The following SBF2 variants were observed in gnomAD, a reference collection of about 807,000 sequenced individuals.
SBF2 encodes SET binding factor 2, also known as myotubularin-related protein 13.
SBF2 carries 112 observed loss-of-function variants against 225.2 expected under a neutral mutation model. The observed-to-expected ratio is 0.50, with a 90% confidence interval of 0.43 to 0.58. SBF2 has a LOEUF of 0.58. SBF2 is among the 20% of genes least tolerant of loss of function. The probability of loss-of-function intolerance (pLI) is 0.00; values close to 1 mark genes in which losing one functional copy is unlikely to be tolerated. For missense variants in SBF2, 1,996 were observed against 2,206.2 expected, an observed-to-expected ratio of 0.90 and a Z score of 1.91; for synonymous variants, 763 against 773.3, an observed-to-expected ratio of 0.99 and a Z score of 0.22.
chr11:9,952,930 G>C (rs1865943104), intron 16 of SBF2, among the ~76,000 whole-genome samples: 1 of 152,188 alleles, frequency 6.6e-6, no homozygotes, highest in Admixed American at 6.5e-5. Context: ...TACACTGCTG[G>C]TGGGAATGTA....
At chr11:10,220,595 C>T (rs532195043) in intron 1 of SBF2, among the ~76,000 whole-genome samples, 19 of 152,122 alleles carry the variant, frequency 1.2e-4, no homozygotes, top group Non-Finnish European at 2.8e-4. Flanking sequence ...CTATACATTG[C>T]TACCAAAATA....
intron 17 of SBF2, among the ~76,000 whole-genome samples, chr11:9,892,641 C>T (rs1486214300): frequency 6.6e-6 from 1 of 151,566 alleles, no homozygotes; most frequent in Non-Finnish European, 1.5e-5. Context: ...TTCATGGCAA[C>T]CTCCGCCTCC....
chr11:10,222,595 A>C (rs911619995), intron 1 of SBF2, among the ~76,000 whole-genome samples: 5 of 152,166 alleles, frequency 3.3e-5, no homozygotes, highest in Non-Finnish European at 7.3e-5. Context: ...AGAAAAAGCA[A>C]ATTGGGGGGA....
intron 2 of SBF2, among the ~76,000 whole-genome samples, chr11:10,092,796 A>G (rs907147372): frequency 6.6e-6 from 1 of 152,200 alleles, no homozygotes; most frequent in Non-Finnish European, 1.5e-5. Context: ...CCAACACCAA[A>G]GTGAGAGAGA....
chr11:10,063,860 G>C (rs143003057), intron 2 of SBF2, among the ~76,000 whole-genome samples: 1,747 of 107,462 alleles, frequency 0.016, 15 homozygotes, highest in Non-Finnish European at 0.019. Context: ...CACACACACA[G>C]AGAGAGAGAG....
At chr11:10,070,215 C>A (rs566004438) in intron 2 of SBF2, among the ~76,000 whole-genome samples, 5 of 152,096 alleles carry the variant, frequency 3.3e-5, no homozygotes, top group Non-Finnish European at 5.9e-5. Flanking sequence ...GGTGTTTTAG[C>A]CATGAAGTCC....
intron 33 of SBF2, among the ~76,000 whole-genome samples, chr11:9,791,974 CA>C (rs1399394911): frequency 3.3e-5 from 5 of 152,320 alleles, no homozygotes; most frequent in South Asian, 4.1e-4. Flanking sequence ...CTTAGGGCAA[CA>C]TGTACACATA....
chr11:9,904,869 A>C (rs1333211281), intron 16 of SBF2, among the ~76,000 whole-genome samples: 1 of 152,166 alleles, frequency 6.6e-6, no homozygotes, highest in Non-Finnish European at 1.5e-5. Flanking sequence ...CAAATTATTA[A>C]AAATTAGTTG....
intron 16 of SBF2, chr11:9,959,391 T>A (rs1480410021): frequency 1.3e-6 from 1 of 795,092 alleles, no homozygotes; most frequent in Non-Finnish European, 2.3e-6. Context: ...TCTGTCCCCA[T>A]GAGATTATAT....
chr11:10,113,799 A>T (rs60996721), intron 2 of SBF2, among the ~76,000 whole-genome samples: 34,590 of 105,322 alleles, frequency 0.33, 4,303 homozygotes, highest in Non-Finnish European at 0.39. Context: ...CATGCAGTTT[A>T]AAAAAAAAAA....
intron 2 of SBF2, among the ~76,000 whole-genome samples, chr11:10,103,033 G>A (rs1952378981): frequency 6.6e-6 from 1 of 152,126 alleles, no homozygotes; most frequent in South Asian, 2.1e-4. Flanking sequence ...ACAAAAAATG[G>A]GGAGAGAGAA....
intron 16 of SBF2, among the ~76,000 whole-genome samples, chr11:9,909,359 A>C (rs1337577390): frequency 4.0e-5 from 6 of 151,610 alleles, no homozygotes; most frequent in South Asian, 2.1e-4. Flanking sequence ...GGTAAAAAAA[A>C]CCTGACTTAC....
chr11:9,926,012 C>T (rs775877084), intron 16 of SBF2, among the ~76,000 whole-genome samples: 56 of 152,324 alleles, frequency 3.7e-4, no homozygotes, highest in Non-Finnish European at 6.0e-4. Flanking sequence ...ACAGTTTGAA[C>T]TTCAAAGGGT....
chr11:9,877,775 T>C (rs1364745866), intron 17 of SBF2, among the ~76,000 whole-genome samples: 1 of 152,222 alleles, frequency 6.6e-6, no homozygotes, highest in Non-Finnish European at 1.5e-5. Context: ...ATGTGCCACA[T>C]TTTCTTAATC....
At position 10,115,052 on chromosome 11, in the gene SBF2, T is replaced by C. The variant is rs1565245527; in HGVS notation, c.142-72071A>G. On this transcript the variant is annotated intron_variant, in intron 2 of 39. Transcript: ENST00000256190. Reference sequence around the variant, plus strand: ...AAAGAGGTTCATATGCAACTCAAGTTTGTAGGAATTGTTTATTTATGCATA... The same window carrying C: ...AAAGAGGTTCATATGCAACTCAAGTCTGTAGGAATTGTTTATTTATGCATA... Among the ~76,000 whole-genome samples the C allele has an allele frequency of 2.6e-5, 4 of 152,166 alleles. No individual in the cohort carries two copies. In the South Asian group the frequency reaches 8.3e-4, roughly 32 times the overall value.
In SBF2 at chr11:9,832,393, T is replaced by C. The variant is rs770660788; in HGVS notation, c.3483A>G (p.Gln1161=). The C allele has an allele frequency of 6.2e-7, 1 of 1,613,868 alleles. No homozygotes were observed. The highest frequency in any genetic ancestry group is 1.7e-5 in the Admixed American group (1 of 59,994). ...TTGGTAAACTACTGTCCTGTACAGC[T>C]TGAGGTACGACTAAAAGGCCAGGAT... The part of the protein sequence containing the change: ...RSYPGLLVVP[Q]AVQDSSLPRV... The change falls in exon 27 of 40, where the codon CAA becomes CAG. Residue 1161 remains glutamine, a synonymous_variant. Coordinates refer to ENST00000256190, the MANE Select transcript of SBF2 (RefSeq NM_030962.4).
At position 9,853,529 on chromosome 11, in the gene SBF2, A is replaced by T. The variant is rs1306853250; in HGVS notation, c.2536+11T>A. On this transcript the variant is annotated intron_variant, in intron 20 of 39. Coordinates refer to ENST00000256190, the MANE Select transcript of SBF2 (RefSeq NM_030962.4). ...AATATTCTGATTCTCTAATATCTGC[A>T]GAGTGATTACCTGGTATCATGCAAT... is the stretch of plus-strand genomic sequence containing the variant. 6.2e-7 allele frequency: 1 copy of T among 1,611,690 alleles called. No homozygotes were observed. Among genetic ancestry groups the T allele is most frequent in the Non-Finnish European group, 8.5e-7 (1 of 1,177,800 alleles).
At chr11:10,214,893 A>AT (rs1958072575) in intron 1 of SBF2, among the ~76,000 whole-genome samples, 1 of 152,196 alleles carries the variant, frequency 6.6e-6, no homozygotes, top group African/African-American at 2.4e-5. Flanking sequence ...GGGGCTTAAG[A>AT]TAAGAATCAG....
intron 17 of SBF2, among the ~76,000 whole-genome samples, chr11:9,881,171 A>T (rs147954849): frequency 9.2e-5 from 14 of 152,354 alleles, no homozygotes; most frequent in African/African-American, 2.6e-4. Context: ...AAATAGGATG[A>T]TAGATAAAAT....
Sources: allele counts gnomAD v4.1 joint callset (sites outside exome capture counted in the v4.1 genomes callset), GRCh38; gene constraint gnomAD v4.1.1; transcripts MANE v1.5; gene names NCBI Gene and HGNC (gene_info 2026-07-23, HGNC 2026-07-21).